Variants in KIAA1671 observed in about 807,000 individuals in gnomAD.
The protein encoded by KIAA1671 is KIAA1671.
KIAA1671 carries 52 observed loss-of-function variants against 131.2 expected under a neutral mutation model. That is an observed-to-expected ratio of 0.40 (90% CI 0.32 to 0.50). KIAA1671 has a LOEUF of 0.50. KIAA1671 is among the 20% of genes least tolerant of loss of function. KIAA1671 has a pLI of 0.73. For missense variants in KIAA1671, 2,360 were observed against 2,364.2 expected (o/e 1.00, Z 0.04); for synonymous variants, 1,003 against 961.6 (o/e 1.04, Z -0.80).
At chr22:24,966,294 A>G (rs1922301685) in intron 1 of KIAA1671, among the ~76,000 whole-genome samples, 1 of 152,166 alleles carries the variant, frequency 6.6e-6, no homozygotes, top group Non-Finnish European at 1.5e-5. Flanking sequence ...TGCCGAGGGA[A>G]GGAAATTTTG....
intron 1 of KIAA1671, among the ~76,000 whole-genome samples, chr22:25,000,203 T>TAAATGTAGC (rs1924371852): frequency 1.3e-5 from 1 of 79,898 alleles, no homozygotes; most frequent in South Asian, 4.7e-4. Flanking sequence ...TTTTTTTTTT[T>TAAATGTAGC]TTTTTTTTGA....
At chr22:25,003,400 A>ATTTTTTTTTTTTTTTTT (rs71191013) in intron 1 of KIAA1671, among the ~76,000 whole-genome samples, 1 of 113,844 alleles carries the variant, frequency 8.8e-6, no homozygotes, top group African/African-American at 4.2e-5. Flanking sequence ...ACTTGGAGAG[A>ATTTTTTTTTTTTTTTTT]TTTTTTTTTT....
intron 4 of KIAA1671, among the ~76,000 whole-genome samples, chr22:25,038,526 C>G (rs1479439987): frequency 6.6e-6 from 1 of 152,224 alleles, no homozygotes; most frequent in Admixed American, 6.5e-5. Flanking sequence ...ATTTTAACAT[C>G]AGGATAGATA....
chr22:25,136,125 C>G (rs1932664773), intron 6 of KIAA1671, among the ~76,000 whole-genome samples: 1 of 152,214 alleles, frequency 6.6e-6, no homozygotes, highest in Admixed American at 6.5e-5. Context: ...GAGTAGGAAA[C>G]TTCCTTGGCC....
chr22:25,063,023 G>T (rs1568935361), intron 6 of KIAA1671: 1 of 151,966 alleles, frequency 6.6e-6, no homozygotes, highest in African/African-American at 2.4e-5. Context: ...GCTAGCCAAG[G>T]GGGCTGAAGT....
intron 6 of KIAA1671, among the ~76,000 whole-genome samples, chr22:25,164,520 T>C (rs2145999937): frequency 6.6e-6 from 1 of 152,350 alleles, no homozygotes; most frequent in East Asian, 1.9e-4. Flanking sequence ...TAATTCATCA[T>C]GTGTATTTTC....
chr22:24,996,711 G>C (rs758231446), intron 1 of KIAA1671, among the ~76,000 whole-genome samples: 3 of 152,206 alleles, frequency 2.0e-5, no homozygotes, highest in African/African-American at 4.8e-5. Context: ...GTAGCCCCTC[G>C]TGTCCCTTGG....
rs1244839346 is a variant in KIAA1671 at position 25,040,876 on chromosome 22, G to T, written c.3746G>T (p.Ser1249Ile). 3 of 1,535,006 alleles carry T rather than the reference G, an allele frequency of 2.0e-6. No individual in the cohort carries two copies. The highest frequency in any genetic ancestry group is 2.5e-5 in the East Asian group (1 of 40,658). ...QLGGVEQRRR[S>I]LKEMPDTGGL... ...GGCGGGGTGGAGCAGAGAAGGAGGAGCCTGAAGGAGATGCCCGATACCGGG... is the reference window on the plus strand; with the variant it reads ...GGCGGGGTGGAGCAGAGAAGGAGGATCCTGAAGGAGATGCCCGATACCGGG... The change falls in exon 5 of 13, where the codon AGC (serine) becomes ATC (isoleucine). Residue 1249 changes from serine to isoleucine, a missense_variant. By Grantham distance (142) the Ser-to-Ile change is moderately radical. Around this residue, in one of 3 missense-constraint regions of KIAA1671, gnomAD observed 1,161 missense variants for 1,204.7 expected, o/e 0.96. Coordinates refer to ENST00000358431, the MANE Select transcript of KIAA1671 (RefSeq NM_001145206.2).
At chr22:25,031,170 G>A (rs990556209) in intron 3 of KIAA1671, among the ~76,000 whole-genome samples, 5 of 151,124 alleles carry the variant, frequency 3.3e-5, no homozygotes, top group Non-Finnish European at 7.4e-5. Context: ...GGGATTACAG[G>A]CACGCGCCAC....
Position 25,068,725 on chromosome 22 carries a change from C to T in KIAA1671, c.4530+19361C>T, listed in dbSNP as rs140870261. Among the ~76,000 whole-genome samples the T allele has an allele frequency of 2.3e-3, 352 of 152,280 alleles. 1 individual carries two copies. Among genetic ancestry groups the T allele is most frequent in the African/African-American group, 8.1e-3 (337 of 41,552 alleles). On this transcript the variant is annotated intron_variant, in intron 6 of 12. Transcript: ENST00000358431. Reference sequence around the variant, plus strand: ...TTCTGGGATTACAGGCGTGAGCCACCGTGCCCAGCCCACCCTCTCCTTATT... The same window carrying T: ...TTCTGGGATTACAGGCGTGAGCCACTGTGCCCAGCCCACCCTCTCCTTATT...
At chr22:25,185,166 C>A in intron 11 of KIAA1671, 47 bp downstream of exon 11, 1 of 1,504,054 alleles carries the variant, frequency 6.6e-7, no homozygotes, top group Middle Eastern at 1.7e-4. Context: ...CAAACTCAGG[C>A]TATACTTCTA....
At chr22:25,077,215 C>G (rs912406596) in intron 6 of KIAA1671, among the ~76,000 whole-genome samples, 1 of 152,172 alleles carries the variant, frequency 6.6e-6, no homozygotes, top group Non-Finnish European at 1.5e-5. Context: ...CTGGCCCTGT[C>G]TCTACTGGGT....
At chr22:25,030,975 A>G (rs1437228615) in intron 3 of KIAA1671, among the ~76,000 whole-genome samples, 1 of 152,206 alleles carries the variant, frequency 6.6e-6, no homozygotes, top group Non-Finnish European at 1.5e-5. Context: ...CCCCACCCCT[A>G]GAGATTCCGA....
chr22:25,032,258 G>A (rs1192579862), intron 3 of KIAA1671, among the ~76,000 whole-genome samples: 1 of 152,208 alleles, frequency 6.6e-6, no homozygotes, highest in Non-Finnish European at 1.5e-5. Flanking sequence ...TTAGGGCCTT[G>A]AGTAGCCTCT....
At chr22:24,963,475 G>A (rs1343267265) in intron 1 of KIAA1671, among the ~76,000 whole-genome samples, 1 of 152,006 alleles carries the variant, frequency 6.6e-6, no homozygotes, top group Non-Finnish European at 1.5e-5. Context: ...AGCTGGGTGG[G>A]GAGGGAGCAT....
chr22:25,077,999 G>A (rs902723476), intron 6 of KIAA1671, among the ~76,000 whole-genome samples: 2 of 151,854 alleles, frequency 1.3e-5, no homozygotes, highest in African/African-American at 4.8e-5. Flanking sequence ...GCCCTGAGGG[G>A]TGGATTTTAT....
At chr22:25,131,989 T>C (rs1304529422) in intron 6 of KIAA1671, among the ~76,000 whole-genome samples, 3 of 152,228 alleles carry the variant, frequency 2.0e-5, no homozygotes, top group African/African-American at 7.2e-5. Context: ...ATTGTTGTTG[T>C]GATTATGGTG....
Position 25,040,988 on chromosome 22 carries a change from A to T in KIAA1671, c.3858A>T (p.Thr1286=). Residue 1286 remains threonine (T), a synonymous_variant, in exon 5 of 13, where the codon ACA becomes ACT. Transcript: ENST00000358431. ...AGCAGCTGGCAGAGACCTTGGAGAC[A>T]GCCATGGGCACCAAATCTAGCCCTC... The part of the protein sequence containing the change: ...LGKQLAETLE[T]AMGTKSSPPF... 1 of 1,474,514 alleles carries T rather than the reference A, an allele frequency of 6.8e-7. No individual in the cohort carries two copies. Among genetic ancestry groups the T allele is most frequent in the Non-Finnish European group, 9.0e-7 (1 of 1,112,420 alleles). 91.3% of individuals were successfully genotyped at this position (1,474,514 alleles called of 1,614,324 possible).
chr22:25,033,042 T>C (rs999857828), intron 4 of KIAA1671, among the ~76,000 whole-genome samples: 2 of 152,118 alleles, frequency 1.3e-5, no homozygotes, highest in Non-Finnish European at 2.9e-5. Flanking sequence ...AGGTCCTTCA[T>C]AGTGGTTCTT....
Sources: gnomAD v4.1 joint callset for allele counts (sites outside exome capture counted in the v4.1 genomes callset) on GRCh38, gnomAD v4.1.1 for gene constraint, gnomAD v4.1.1 regional missense constraint, MANE v1.5 for transcripts, NCBI Gene and HGNC (gene_info 2026-07-23, HGNC 2026-07-21) for gene names.